The following SLC6A7 variants were observed in gnomAD, a reference collection of about 807,000 sequenced individuals.
SLC6A7 encodes sodium-dependent proline transporter.
SLC6A7 carries 58 observed loss-of-function variants against 73.1 expected under a neutral mutation model. The ratio of observed to expected loss-of-function variants is 0.79; its 90% confidence interval spans 0.64 to 0.99. The LOEUF (loss-of-function observed/expected upper bound fraction) is 0.99, where lower values mean the gene tolerates loss of function less well. SLC6A7 is among the 50% of genes least tolerant of loss of function. SLC6A7 has a pLI of 0.00. For synonymous variants in SLC6A7, 338 were observed against 338.7 expected (o/e 1.00, Z 0.02); for missense variants, 783 against 831.4 (o/e 0.94, Z 0.72).
At chr5:150,194,410 CA>C (rs1752919562) in intron 1 of SLC6A7, among the ~76,000 whole-genome samples, 1 of 143,596 alleles carries the variant, frequency 7.0e-6, no homozygotes, top group Non-Finnish European at 1.5e-5. Flanking sequence ...GGCTGGGCAA[CA>C]GAGGGAGACT....
At chr5:150,198,093 AAGAAAGAAAGAAAGAAAGAAAGAGAAAG>A (rs1316379782) in intron 4 of SLC6A7, among the ~76,000 whole-genome samples, 1 of 106,472 alleles carries the variant, frequency 9.4e-6, no homozygotes, top group Non-Finnish European at 2.1e-5. Context: ...GAAAGAAAGA[AAGAAAGAAAGAAAGAAAGAAAGAGAAAG>A]AAAGAAAGAA....
chr5:150,195,030 T>G (rs989356378), intron 2 of SLC6A7, 119 bp downstream of exon 2: 1 of 821,178 alleles, frequency 1.2e-6, no homozygotes, highest in Non-Finnish European at 2.0e-6. Context: ...CAGAACTCAT[T>G]GAAAGTGGTT....
chr5:150,190,334 A>C lies in SLC6A7; in HGVS notation c.7A>C (p.Lys3Gln). 1.3e-6 allele frequency: 2 copies of C among 1,511,474 alleles called. No homozygotes were observed. The highest frequency in any genetic ancestry group is 1.8e-6 in the Non-Finnish European group (2 of 1,130,872). The allele number at this position is 1,511,474 out of a possible 1,614,324, so 93.6% of individuals were successfully genotyped here. MK[K>Q]LQGAHLRKPV... ...CGGCCACCCGCTCTCCAAGATGAAG[A>C]AGCTCCAGGGAGCTCACCTCCGCAA... is the stretch of plus-strand genomic sequence containing the variant. The change falls in exon 1 of 14, where the codon AAG becomes CAG. Residue 3 changes from lysine (K) to glutamine (Q), a missense_variant. By Grantham distance (53) the Lys-to-Gln change is moderately conservative. Transcript: ENST00000230671.
Position 150,203,890 on chromosome 5 carries a change from C to T in SLC6A7, c.1201-17C>T, listed in dbSNP as rs1562096849. On this transcript the variant is annotated splice_polypyrimidine_tract_variant and intron_variant, in intron 9 of 13. Coordinates refer to ENST00000230671, the MANE Select transcript of SLC6A7 (RefSeq NM_014228.5). ...TGGGGATAGAATTCTGACCCCCAGC[C>T]CCTCCTCTCTCCTCAGTTTGCTTTT... 1.9e-6 allele frequency: 3 copies of T among 1,611,460 alleles called. No homozygotes were observed. The highest frequency in any genetic ancestry group is 1.7e-6 in the Non-Finnish European group (2 of 1,178,898).
Position 150,202,411 on chromosome 5 carries a change from C to T in SLC6A7, c.923C>T (p.Thr308Ile). 6.2e-7 allele frequency: 1 copy of T among 1,614,144 alleles called. No individual in the cohort carries two copies. Among genetic ancestry groups the T allele is most frequent in the Non-Finnish European group, 8.5e-7 (1 of 1,179,962 alleles). The change falls in exon 7 of 14, where the codon ACC becomes ATC. Residue 308 changes from threonine (T) to isoleucine (I), a missense_variant. By Grantham distance (89) the Thr-to-Ile change is moderately conservative. Transcript: ENST00000230671. ...SLGVGFGGLL[T>I]FASYNTFHQN... is the part of the protein sequence containing the mutation. Reference sequence around the variant, plus strand: ...GGTGTGGGCTTCGGGGGGCTCCTCACCTTTGCCTCCTACAACACGTTTCAC... The same window carrying T: ...GGTGTGGGCTTCGGGGGGCTCCTCATCTTTGCCTCCTACAACACGTTTCAC...
At chr5:150,198,497 A>C (rs2113975159) in intron 4 of SLC6A7, among the ~76,000 whole-genome samples, 1 of 152,336 alleles carries the variant, frequency 6.6e-6, no homozygotes, top group South Asian at 2.1e-4. Context: ...TTTGCAGCTT[A>C]AAGCCAAAGG....
intron 5 of SLC6A7, among the ~76,000 whole-genome samples, chr5:150,199,907 C>T (rs1438876833): frequency 1.3e-5 from 2 of 152,186 alleles, no homozygotes; most frequent in East Asian, 1.9e-4. Context: ...TACATCTAAG[C>T]TTGGTAAAGG....
At position 150,190,144 on chromosome 5, in the gene SLC6A7, C is replaced by G. The variant is rs932749756; in HGVS notation, c.-184C>G. ...GGGCGCTGCGCAGGGACAGACAAGGCATTCGCAGCGCCCTGCCCGCGCTCC... is the reference window on the plus strand; with the variant it reads ...GGGCGCTGCGCAGGGACAGACAAGGGATTCGCAGCGCCCTGCCCGCGCTCC... On this transcript the variant is annotated 5_prime_UTR_variant, in exon 1 of 14. Transcript: ENST00000230671. 7 of 496,060 alleles carry G rather than the reference C, an allele frequency of 1.4e-5. No homozygotes were observed. Among genetic ancestry groups the G allele is most frequent in the Non-Finnish European group, 2.4e-5 (7 of 287,936 alleles). 30.7% of individuals were successfully genotyped at this position (496,060 alleles called of 1,614,324 possible).
rs183479847 is a variant in SLC6A7, at chr5:150,209,953, G to A, written c.*338G>A. 444 of 333,976 alleles carry A rather than the reference G, an allele frequency of 1.3e-3. No homozygotes were observed. The highest frequency in any genetic ancestry group is 2.0e-3 in the Non-Finnish European group (349 of 175,300). 20.7% of individuals were successfully genotyped at this position (333,976 alleles called of 1,614,324 possible). A position where few individuals can be genotyped will look rare whatever the true frequency, so the allele number is the denominator to read the frequency against. ...GACTTGAACCCACGCCTCCTGACCA[G>A]CCAGCTCCCTTTCCCATGGGGCAGC... On this transcript the variant is annotated 3_prime_UTR_variant, in exon 14 of 14. Transcript: ENST00000230671.
At position 150,194,813 on chromosome 5, in the gene SLC6A7, G is replaced by A; in HGVS notation, c.119G>A (p.Trp40Ter). 2 of 1,614,162 alleles carry A rather than the reference G, an allele frequency of 1.2e-6. No individual in the cohort carries two copies. The change falls in exon 2 of 14, where the codon TGG becomes TAG. Residue 40 changes from tryptophan to a stop codon, truncating the protein, a stop_gained. Transcript: ENST00000230671. LOFTEE classifies it high-confidence loss of function. ...GACTTTGCTGCACACCGGGGGAACT[G>A]GACAGGCAAGCTGGACTTCCTGCTG... ...DVDFAAHRGNWTGKLDFLLSC... is the reference protein window; with the variant it reads ...DVDFAAHRGN
chr5:150,203,820 GGTGTGTGTGTGTGTGT>G (rs35380195), intron 9 of SLC6A7, 41 bp downstream of exon 9: 50 of 802,602 alleles, frequency 6.2e-5, no homozygotes, highest in South Asian at 7.8e-5. Flanking sequence ...GTGTGTGTGT[GGTGTGTGTGTGTGTGT>G]GTGTGTGTGT....
chr5:150,199,192 G>A lies in SLC6A7; in HGVS notation c.585-36G>A, dbSNP rs753220387. ...CTCCATGTCTGTGGAGCCTGGTGGG[G>A]TGACCAGGGGACACTGAGACCTTTG... On this transcript the variant is annotated intron_variant, in intron 4 of 13. Coordinates refer to ENST00000230671, the MANE Select transcript of SLC6A7 (RefSeq NM_014228.5). 4 of 1,544,492 alleles carry A rather than the reference G, an allele frequency of 2.6e-6. No homozygotes were observed. The African/African-American group carries it at 5.5e-5, about 21-fold the overall frequency.
chr5:150,201,155 C>T lies in SLC6A7; in HGVS notation c.790C>T (p.Leu264Phe). The change falls in exon 6 of 14, where the codon CTC becomes TTC. Residue 264 changes from leucine (L) to phenylalanine (F), a missense_variant. Physicochemically the swap from Leu to Phe is conservative, Grantham distance 22. Transcript: ENST00000230671. Reference protein sequence around the residue: ...LLMLLVRGVTLPGAWKGIQFY... With the variant: ...LLMLLVRGVTFPGAWKGIQFY... Reference sequence around the variant, plus strand: ...CATGCTGCTGGTCCGCGGAGTCACCCTCCCAGGGGCCTGGAAGGGCATCCA... The same window carrying T: ...CATGCTGCTGGTCCGCGGAGTCACCTTCCCAGGGGCCTGGAAGGGCATCCA... The T allele has an allele frequency of 6.2e-7, 1 of 1,613,796 alleles. No homozygotes were observed. The highest frequency in any genetic ancestry group is 8.5e-7 in the Non-Finnish European group (1 of 1,179,782).
At chr5:150,194,137 T>C (rs534067638) in intron 1 of SLC6A7, among the ~76,000 whole-genome samples, 1 of 152,254 alleles carries the variant, frequency 6.6e-6, no homozygotes, top group Admixed American at 6.5e-5. Flanking sequence ...CTCATCAAAA[T>C]AGGACCATCC....
At chr5:150,200,971 C>T (rs1047354175) in intron 5 of SLC6A7, 118 bp from the exon 6 acceptor site, 7 of 1,007,794 alleles carry the variant, frequency 6.9e-6, no homozygotes, top group Admixed American at 5.6e-5. Flanking sequence ...GGATGAAGGC[C>T]GGTTCCTGGC....
intron 4 of SLC6A7, among the ~76,000 whole-genome samples, chr5:150,198,811 GGTGTGT>G (rs774414750): frequency 0.055 from 6,152 of 111,824 alleles, 214 homozygotes; most frequent in African/African-American, 0.11. Flanking sequence ...GGCCCTGGAT[GGTGTGT>G]GTGTGTGTGT....
intron 13 of SLC6A7, among the ~76,000 whole-genome samples, chr5:150,207,655 C>G (rs560901816): frequency 6.6e-6 from 1 of 152,194 alleles, no homozygotes; most frequent in East Asian, 1.9e-4. Context: ...GGAGTCAGGA[C>G]GGGTTCAAAT....
Position 150,209,828 on chromosome 5 carries a change from C to A in SLC6A7, c.*213C>A, listed in dbSNP as rs1339601055. On this transcript the variant is annotated 3_prime_UTR_variant, in exon 14 of 14. Coordinates refer to ENST00000230671, the MANE Select transcript of SLC6A7 (RefSeq NM_014228.5). ...ACACACACACACAGGCATACTCAGA[C>A]CCACTCAAAGCTGAGAATGATCCAA... 1.7e-6 allele frequency: 1 copy of A among 588,324 alleles called. No homozygotes were observed. The highest frequency in any genetic ancestry group is 3.1e-6 in the Non-Finnish European group (1 of 326,986). 36.4% of individuals were successfully genotyped at this position (588,324 alleles called of 1,614,324 possible).
At chr5:150,193,523 G>A (rs1424687741) in intron 1 of SLC6A7, among the ~76,000 whole-genome samples, 1 of 152,144 alleles carries the variant, frequency 6.6e-6, no homozygotes, top group Non-Finnish European at 1.5e-5. Context: ...GGGAGGGGGA[G>A]TATTGGGGAA....
Sources: allele counts gnomAD v4.1 joint callset (sites outside exome capture counted in the v4.1 genomes callset), GRCh38; gene constraint gnomAD v4.1.1; transcripts MANE v1.5; gene names NCBI Gene and HGNC (gene_info 2026-07-23, HGNC 2026-07-21).